Variants in NCAM1 observed in about 807,000 individuals in gnomAD.
NCAM1 encodes neural cell adhesion molecule 1, also known as antigen recognized by monoclonal antibody 5.1H11.
NCAM1 carries 14 observed loss-of-function variants against 109.8 expected under a neutral mutation model. The observed-to-expected ratio is 0.13, with a 90% CI of 0.08 to 0.20. The LOEUF (loss-of-function observed/expected upper bound fraction) is 0.20. Ranked by LOEUF, NCAM1 falls within the 10% of genes least tolerant of loss-of-function variation. The pLI, the probability that NCAM1 is intolerant of heterozygous loss-of-function variation, is 1.00. For synonymous variants in NCAM1, 418 were observed against 442.9 expected (o/e 0.94, Z 0.70); for missense variants, 774 against 1,109.9 (o/e 0.70, Z 4.30).
chr11:113,024,885 G>A (rs1952490861), intron 1 of NCAM1, among the ~76,000 whole-genome samples: 1 of 152,174 alleles, frequency 6.6e-6, no homozygotes, highest in African/African-American at 2.4e-5. Context: ...AAAGTGGTAG[G>A]TGGTTTCAAA....
Position 113,233,693 on chromosome 11 carries a change from G to A in NCAM1, c.1693+376G>A, listed in dbSNP as rs1229832329. ...TGCTGCAGGTTCTCTGCCGACACCCGGCCAGTCCTGCTTGGATATCTGTAC... is the reference window on the plus strand; with the variant it reads ...TGCTGCAGGTTCTCTGCCGACACCCAGCCAGTCCTGCTTGGATATCTGTAC... On this transcript the variant is annotated intron_variant, in intron 13 of 19. Transcript: ENST00000316851. The surrounding 1 kb of genome is among the most constrained non-coding windows in gnomAD (Gnocchi z 4.5). 1.3e-5 allele frequency among the ~76,000 whole-genome samples: 2 copies of A among 152,142 alleles called. No individual in the cohort carries two copies. The highest frequency in any genetic ancestry group is 2.9e-5 in the Non-Finnish European group (2 of 68,030).
At chr11:113,098,294 C>A (rs2135831975) in intron 1 of NCAM1, among the ~76,000 whole-genome samples, 1 of 152,238 alleles carries the variant, frequency 6.6e-6, no homozygotes, top group African/African-American at 2.4e-5. Flanking sequence ...TACCAGAATA[C>A]ATGGATGCTC....
rs7105734 is a variant in NCAM1, at chr11:112,961,631, C to G, written c.19C>G (p.Leu7Val). 1.3e-6 allele frequency: 2 copies of G among 1,495,428 alleles called. No individual in the cohort carries two copies. Among genetic ancestry groups the G allele is most frequent in the Non-Finnish European group, 1.9e-6 (2 of 1,076,830 alleles). The allele number at this position is 1,495,428 out of a possible 1,614,324, so 92.6% of individuals were successfully genotyped here. A position where few individuals can be genotyped will look rare whatever the true frequency, so the allele number is the denominator to read the frequency against. The stretch of plus-strand genomic sequence containing the variant: ...GATTACAATGCTGCAAACTAAGGAT[C>G]TCATCTGGACTTTGTTTTTCCTGGG... The part of the protein sequence containing the change: MLQTKD[L>V]IWTLFFLGTA... Residue 7 changes from leucine (L) to valine (V), a missense_variant, in exon 1 of 20, where the codon CTC becomes GTC. Leu to Val is a conservative substitution (Grantham distance 32). Transcript: ENST00000316851.
In NCAM1 at chr11:113,214,530, G is replaced by C. The variant is rs782127737; in HGVS notation, c.1059+19G>C. 2.5e-6 allele frequency: 4 copies of C among 1,587,114 alleles called. No homozygotes were observed. Among genetic ancestry groups the C allele is most frequent in the Non-Finnish European group, 3.4e-6 (4 of 1,166,454 alleles). On this transcript the variant is annotated intron_variant, in intron 8 of 19. Coordinates refer to ENST00000316851, the MANE Select transcript of NCAM1 (RefSeq NM_181351.5). ...AGAAAAGGTATCATGCTCCCCAGGA[G>C]TTTCAGGGCCTTGGAATGCAGACTC...
intron 1 of NCAM1, among the ~76,000 whole-genome samples, chr11:113,028,964 T>C (rs1952637648): frequency 6.6e-6 from 1 of 152,188 alleles, no homozygotes; most frequent in Non-Finnish European, 1.5e-5. Context: ...GGTCATCTCT[T>C]AATGCTAACA....
intron 1 of NCAM1, among the ~76,000 whole-genome samples, chr11:113,143,684 A>T (rs1231076770): frequency 6.6e-6 from 1 of 152,242 alleles, no homozygotes; most frequent in East Asian, 1.9e-4. Flanking sequence ...TCCCCCAGTT[A>T]AACCTGGCAA....
intron 15 of NCAM1, among the ~76,000 whole-genome samples, chr11:113,251,638 G>C (rs992009505): frequency 2.0e-5 from 3 of 152,188 alleles, no homozygotes; most frequent in Non-Finnish European, 4.4e-5. Flanking sequence ...GGGAACATTT[G>C]ACTCATGGCT....
intron 15 of NCAM1, among the ~76,000 whole-genome samples, chr11:113,248,330 C>T (rs1302576089): frequency 6.6e-6 from 1 of 152,142 alleles, no homozygotes; most frequent in Non-Finnish European, 1.5e-5. Flanking sequence ...CCTCTCCTGC[C>T]ATCTGCAAGG....
intron 1 of NCAM1, among the ~76,000 whole-genome samples, chr11:113,152,434 C>A (rs1942255845): frequency 6.6e-6 from 1 of 152,238 alleles, no homozygotes; most frequent in South Asian, 2.1e-4. Flanking sequence ...TGAAACAAAT[C>A]AGTGTAATAT....
At chr11:113,006,959 C>T (rs1839123814) in intron 1 of NCAM1, among the ~76,000 whole-genome samples, 1 of 152,062 alleles carries the variant, frequency 6.6e-6, no homozygotes, top group South Asian at 2.1e-4. Context: ...ACAAAAAGAC[C>T]CAAAACAAAT....
intron 1 of NCAM1, among the ~76,000 whole-genome samples, chr11:113,033,566 A>G (rs987699976): frequency 6.6e-6 from 1 of 152,236 alleles, no homozygotes; most frequent in African/African-American, 2.4e-5. Context: ...CAAAGAGAAT[A>G]GTGGCTATTC....
intron 15 of NCAM1, among the ~76,000 whole-genome samples, chr11:113,254,347 A>T (rs1363115154): frequency 6.6e-6 from 1 of 152,222 alleles, no homozygotes; most frequent in Non-Finnish European, 1.5e-5. Context: ...TAATAAGCAC[A>T]ACTTTTCCTA....
chr11:113,176,180 A>G (rs1489122776), intron 1 of NCAM1, among the ~76,000 whole-genome samples: 1 of 152,206 alleles, frequency 6.6e-6, no homozygotes, highest in African/African-American at 2.4e-5. Flanking sequence ...GAGTGTGTTC[A>G]TTCAGGTCCC....
chr11:113,089,304 T>C (rs1555088921), intron 1 of NCAM1, among the ~76,000 whole-genome samples: 1 of 151,944 alleles, frequency 6.6e-6, no homozygotes, highest in Non-Finnish European at 1.5e-5. Context: ...AGACTCCATC[T>C]CAAATAATAA....
At chr11:112,976,790 GGTAA>G (rs68084373) in intron 1 of NCAM1, among the ~76,000 whole-genome samples, 3,103 of 151,760 alleles carry the variant, frequency 0.02, 50 homozygotes, top group Middle Eastern at 0.044. Context: ...AATTTGATGT[GGTAA>G]GTCTTATCCA....
chr11:113,179,405 G>A (rs1302498895), intron 1 of NCAM1, among the ~76,000 whole-genome samples: 8 of 152,212 alleles, frequency 5.3e-5, no homozygotes, highest in African/African-American at 1.9e-4. Flanking sequence ...AGGAAATCAT[G>A]TCTGCTCAGC....
At chr11:113,036,625 C>T (rs1316656945) in intron 1 of NCAM1, among the ~76,000 whole-genome samples, 1 of 152,118 alleles carries the variant, frequency 6.6e-6, no homozygotes, top group African/African-American at 2.4e-5. Flanking sequence ...TTCTTGCCTG[C>T]CGTCTTTATT....
intron 1 of NCAM1, among the ~76,000 whole-genome samples, chr11:113,000,449 T>A (rs2134969980): frequency 6.6e-6 from 1 of 152,232 alleles, no homozygotes; most frequent in Non-Finnish European, 1.5e-5. Flanking sequence ...GTAGTGATTG[T>A]TGGAAGTATT....
At chr11:113,177,953 A>G (rs1555107347) in intron 1 of NCAM1, among the ~76,000 whole-genome samples, 1 of 152,106 alleles carries the variant, frequency 6.6e-6, no homozygotes, top group African/African-American at 2.4e-5. Flanking sequence ...TGAAAGAGGG[A>G]TTCACTAGAG....
Sources: allele counts gnomAD v4.1 joint callset (sites outside exome capture counted in the v4.1 genomes callset), GRCh38; gene constraint gnomAD v4.1.1; non-coding constraint Gnocchi (gnomAD v3.1); transcripts MANE v1.5; gene names NCBI Gene and HGNC (gene_info 2026-07-23, HGNC 2026-07-21).